Variants in NSD1 observed in about 807,000 individuals in gnomAD.
The protein encoded by NSD1 is histone-lysine N-methyltransferase, H3 lysine-36 specific.
Under a neutral mutation model 242.7 loss-of-function variants are expected in NSD1, and 26 were observed. The observed-to-expected ratio is 0.11, with a 90% CI of 0.08 to 0.15. NSD1 has a LOEUF of 0.15. Among genes scored for constraint, NSD1 ranks in the 10% least tolerant of loss-of-function variants. The pLI is 1.00. For missense variants in NSD1, 2,495 were observed against 3,272.8 expected, an observed-to-expected ratio of 0.76 and a Z score of 5.80; for synonymous variants, 1,106 against 1,178.1, an observed-to-expected ratio of 0.94 and a Z score of 1.25.
chr5:177,252,565 T>C (rs1408616106), intron 12 of NSD1, among the ~76,000 whole-genome samples: 2 of 137,676 alleles, frequency 1.5e-5, no homozygotes, highest in African/African-American at 5.6e-5. Flanking sequence ...TTTTTTTTTT[T>C]TTTTAATAAG....
chr5:177,141,605 C>A (rs1450265327), intron 2 of NSD1, among the ~76,000 whole-genome samples: 2 of 152,024 alleles, frequency 1.3e-5, no homozygotes, highest in African/African-American at 4.8e-5. Context: ...GCTGGAATTA[C>A]AGGTGTGAGC....
chr5:177,208,131 A>G (rs1763045131), intron 4 of NSD1, among the ~76,000 whole-genome samples: 2 of 152,086 alleles, frequency 1.3e-5, no homozygotes, highest in Non-Finnish European at 2.9e-5. Context: ...TGTGAACACT[A>G]TGTGGTAGTT....
At chr5:177,181,214 G>C (rs553435867) in intron 2 of NSD1, among the ~76,000 whole-genome samples, 1 of 151,770 alleles carries the variant, frequency 6.6e-6, no homozygotes, top group Admixed American at 6.6e-5. Flanking sequence ...AATTCGGGAA[G>C]GAAGTTTGCA....
At chr5:177,231,872 T>C (rs555597154) in intron 5 of NSD1, among the ~76,000 whole-genome samples, 13 of 152,296 alleles carry the variant, frequency 8.5e-5, no homozygotes, top group Admixed American at 8.5e-4. Context: ...GTTATTGGGA[T>C]AATGACATAT....
chr5:177,246,746 T>C lies in NSD1; in HGVS notation c.4447T>C (p.Cys1483Arg). ...GAGGCATGCTGCAGCCAAGATGCAG[T>C]GTAAAAAAGTGAAAAATGATGACTC... The part of the protein sequence containing the change: ...RQRHAAAKMQ[C>R]KKVKNDDSSK... The change falls in exon 10 of 23, where the codon TGT becomes CGT. Residue 1483 changes from cysteine (C) to arginine (R), a missense_variant. Cys to Arg is a radical substitution (Grantham distance 180). This residue lies in a region of NSD1 where 97 missense variants were observed against 97.7 expected (regional missense o/e 0.99). Transcript: ENST00000439151. 1.2e-6 allele frequency: 2 copies of C among 1,614,006 alleles called. No individual in the cohort carries two copies. The highest frequency in any genetic ancestry group is 1.7e-6 in the Non-Finnish European group (2 of 1,179,936).
rs1760212397 is a variant in NSD1, at chr5:177,295,700, G to A, written c.*241G>A. On this transcript the variant is annotated 3_prime_UTR_variant, in exon 23 of 23. Transcript: ENST00000439151. The surrounding 1 kb of genome is among the most constrained non-coding windows in gnomAD (Gnocchi z 4.3). ...CCAACCAAGGAGACAGACAGACTTG[G>A]GTCTCTTTCCCCCAACTTTTCCACA... 1 of 579,902 alleles carries A rather than the reference G, an allele frequency of 1.7e-6. No homozygotes were observed. The highest frequency in any genetic ancestry group is 3.1e-6 in the Non-Finnish European group (1 of 325,436). 35.9% of individuals were successfully genotyped at this position (579,902 alleles called of 1,614,324 possible).
chr5:177,142,281 G>C (rs1476945898), intron 2 of NSD1, among the ~76,000 whole-genome samples: 1 of 152,006 alleles, frequency 6.6e-6, no homozygotes, highest in Non-Finnish European at 1.5e-5. Flanking sequence ...AGTACCTCTT[G>C]AGCCAGGCAC....
intron 2 of NSD1, among the ~76,000 whole-genome samples, chr5:177,150,570 TC>T (rs1015328312): frequency 1.4e-5 from 2 of 146,962 alleles, no homozygotes; most frequent in African/African-American, 4.9e-5. Context: ...CTTCTAAAGT[TC>T]CTTTCACATT....
At chr5:177,194,736 C>CT (rs1761976657) in intron 3 of NSD1, among the ~76,000 whole-genome samples, 1 of 109,184 alleles carries the variant, frequency 9.2e-6, no homozygotes, top group East Asian at 2.9e-4. Flanking sequence ...GAGCCTTGCT[C>CT]TGTCTCCCAG....
At position 177,269,045 on chromosome 5, in the gene NSD1, G is replaced by A. The variant is rs1051571552; in HGVS notation, c.5304-557G>A. Among the ~76,000 whole-genome samples the A allele has an allele frequency of 6.6e-6, 1 of 152,082 alleles. No homozygotes were observed. The highest frequency in any genetic ancestry group is 1.5e-5 in the Non-Finnish European group (1 of 68,026). On this transcript the variant is annotated intron_variant, in intron 15 of 22. Coordinates refer to ENST00000439151, the MANE Select transcript of NSD1 (RefSeq NM_022455.5). The surrounding 1 kb of genome is among the most constrained non-coding windows in gnomAD (Gnocchi z 5.1). ...TCTGGAGTAAAGTAGGTAGATAGAG[G>A]TTTCCAGCTTTAATAGGTAGTGCCA...
intron 2 of NSD1, among the ~76,000 whole-genome samples, chr5:177,142,984 C>A (rs1297934933): frequency 2.6e-5 from 4 of 152,148 alleles, no homozygotes; most frequent in Admixed American, 2.6e-4. Flanking sequence ...TTGCTCATGC[C>A]TTTATTCTCC....
Position 177,211,085 on chromosome 5 carries a change from C to A in NSD1, c.2686C>A (p.Gln896Lys). Residue 896 changes from glutamine (Q) to lysine (K), a missense_variant, in exon 5 of 23, where the codon CAG becomes AAG. Physicochemically the swap from Gln to Lys is moderately conservative, Grantham distance 53. Around this residue, in one of 19 missense-constraint regions of NSD1, gnomAD observed 121 missense variants for 167.2 expected, o/e 0.72. Coordinates refer to ENST00000439151, the MANE Select transcript of NSD1 (RefSeq NM_022455.5). ...KPLLFSSASS[Q>K]NHIPIEPDYK... ...ATTACTTTTCTCTTCTGCTTCTAGT[C>A]AGAATCACATACCTATTGAACCAGA... The A allele has an allele frequency of 2.5e-6, 4 of 1,614,132 alleles. No individual in the cohort carries two copies. The highest frequency in any genetic ancestry group is 2.2e-5 in the South Asian group (2 of 91,046).
chr5:177,135,592 T>C lies in NSD1; in HGVS notation c.489T>C (p.Asp163=), dbSNP rs201591010. The C allele has an allele frequency of 2.0e-5, 33 of 1,614,176 alleles. No homozygotes were observed. Among genetic ancestry groups the C allele is most frequent in the Non-Finnish European group, 1.7e-6 (2 of 1,180,032 alleles). The part of the protein sequence containing the change: ...FENFTCVDDA[D]VDSEMDPEQP... ...ATTTTACTTGTGTGGACGATGCAGA[T>C]GTAGATTCTGAAATGGACCCAGAAC... The change falls in exon 2 of 23, where the codon GAT becomes GAC. Residue 163 remains aspartate, a synonymous_variant. Coordinates refer to ENST00000439151, the MANE Select transcript of NSD1 (RefSeq NM_022455.5).
intron 4 of NSD1, 33 bp downstream of exon 4, chr5:177,204,325 C>T: frequency 6.3e-7 from 1 of 1,588,974 alleles, no homozygotes. Context: ...TATTGAGTGA[C>T]AGAAGCAAGT....
chr5:177,201,823 G>A (rs2149833614), intron 3 of NSD1, among the ~76,000 whole-genome samples: 1 of 150,982 alleles, frequency 6.6e-6, no homozygotes, highest in East Asian at 2.0e-4. Context: ...CCTCCCAAAG[G>A]GCTGGGATTA....
chr5:177,257,154 A>G lies in NSD1; in HGVS notation c.4966+3A>G. 1 of 1,607,262 alleles carries G rather than the reference A, an allele frequency of 6.2e-7. No homozygotes were observed. On this transcript the variant is annotated splice_donor_region_variant and intron_variant, in intron 13 of 22. Coordinates refer to ENST00000439151, the MANE Select transcript of NSD1 (RefSeq NM_022455.5). ...AGCCAATGTTTCTGCATCTAAAGGT[A>G]TGGATTTCTTATGTGGACCAGTCTA... is the stretch of plus-strand genomic sequence containing the variant.
intron 2 of NSD1, among the ~76,000 whole-genome samples, chr5:177,159,593 ATTTTTTTT>A (rs61064789): frequency 3.4e-5 from 4 of 118,576 alleles, no homozygotes; most frequent in African/African-American, 1.3e-4. Flanking sequence ...CTAAGTCTGA[ATTTTTTTT>A]TTTTTTTTTT....
At chr5:177,283,229 C>T (rs1490064471) in intron 19 of NSD1, among the ~76,000 whole-genome samples, 1 of 152,246 alleles carries the variant, frequency 6.6e-6, no homozygotes, top group East Asian at 1.9e-4. Flanking sequence ...GCTGGGATTA[C>T]AGGCATGAGC....
chr5:177,145,168 T>G (rs1757131817), intron 2 of NSD1, among the ~76,000 whole-genome samples: 2 of 152,124 alleles, frequency 1.3e-5, no homozygotes, highest in Non-Finnish European at 2.9e-5. Flanking sequence ...CTCCCTCATT[T>G]ACACTCTTAA....
Sources: allele counts gnomAD v4.1 joint callset (sites outside exome capture counted in the v4.1 genomes callset), GRCh38; gene constraint gnomAD v4.1.1; regional missense constraint gnomAD v4.1.1; non-coding constraint Gnocchi (gnomAD v3.1); transcripts MANE v1.5; gene names NCBI Gene and HGNC (gene_info 2026-07-23, HGNC 2026-07-21).